Variants in CNTN5 observed in about 807,000 individuals in gnomAD.
CNTN5 encodes the protein contactin-5.
A neutral mutation model predicts 129.1 loss-of-function variants in CNTN5; 77 were observed. That is an observed-to-expected ratio of 0.60 (90% CI 0.50 to 0.72). CNTN5 has a LOEUF of 0.72. Among genes scored for constraint, CNTN5 ranks in the 30% least tolerant of loss-of-function variants. The pLI, the probability that CNTN5 is intolerant of heterozygous loss-of-function variation, is 0.00. For synonymous variants in CNTN5, 509 were observed against 465.6 expected (o/e 1.09, Z -1.20); for missense variants, 1,478 against 1,328.8 (o/e 1.11, Z -1.75).
At chr11:99,630,644 TATTA>T (rs1361440371) in intron 3 of CNTN5, among the ~76,000 whole-genome samples, 3 of 152,146 alleles carry the variant, frequency 2.0e-5, no homozygotes, top group Non-Finnish European at 2.9e-5. Flanking sequence ...AATATTTAAC[TATTA>T]ATTCTACGTG....
chr11:100,090,657 A>G (rs79266631), intron 13 of CNTN5, among the ~76,000 whole-genome samples: 7,047 of 150,732 alleles, frequency 0.047, 238 homozygotes, highest in African/African-American at 0.099. Context: ...CAGGAGATTC[A>G]GTGCCTGGTG....
intron 13 of CNTN5, among the ~76,000 whole-genome samples, chr11:100,108,636 A>G (rs1490951081): frequency 6.6e-6 from 1 of 152,146 alleles, no homozygotes; most frequent in African/African-American, 2.4e-5. Context: ...CCCATTATAT[A>G]TGTTCTCATA....
intron 1 of CNTN5, among the ~76,000 whole-genome samples, chr11:99,294,289 T>C (rs1476652325): frequency 6.6e-6 from 1 of 152,182 alleles, no homozygotes; most frequent in Non-Finnish European, 1.5e-5. Context: ...CACCAAATAA[T>C]TGTTAGAACC....
At chr11:99,553,975 C>CACACACACACAT (rs1948580917) in intron 2 of CNTN5, among the ~76,000 whole-genome samples, 1 of 121,434 alleles carries the variant, frequency 8.2e-6, no homozygotes, top group Admixed American at 8.9e-5. Context: ...TACACACACA[C>CACACACACACAT]ACACACACAC....
chr11:100,322,596 TAAG>T (rs1367590648), intron 21 of CNTN5, among the ~76,000 whole-genome samples: 3 of 152,148 alleles, frequency 2.0e-5, no homozygotes, highest in Non-Finnish European at 4.4e-5. Context: ...TGACATACAT[TAAG>T]GTTGTTTCCA....
At chr11:99,770,008 A>G (rs893942406) in intron 3 of CNTN5, among the ~76,000 whole-genome samples, 7 of 152,114 alleles carry the variant, frequency 4.6e-5, no homozygotes, top group Admixed American at 3.9e-4. Context: ...AGGAAATCAC[A>G]ATATCAGTAT....
intron 3 of CNTN5, among the ~76,000 whole-genome samples, chr11:99,647,438 T>C (rs1384261745): frequency 6.6e-6 from 1 of 152,118 alleles, no homozygotes; most frequent in African/African-American, 2.4e-5. Context: ...TTGTTTACTA[T>C]AATCTTGTAG....
At chr11:99,238,457 C>T (rs1253394710) in intron 1 of CNTN5, among the ~76,000 whole-genome samples, 4 of 152,148 alleles carry the variant, frequency 2.6e-5, no homozygotes, top group African/African-American at 9.7e-5. Flanking sequence ...GTCTTACACA[C>T]CACTTCAGGA....
intron 2 of CNTN5, among the ~76,000 whole-genome samples, chr11:99,389,542 T>C (rs1163211794): frequency 6.6e-6 from 1 of 152,192 alleles, no homozygotes; most frequent in Admixed American, 6.5e-5. Context: ...GAATACTTTT[T>C]CCCTTTATAG....
intron 12 of CNTN5, among the ~76,000 whole-genome samples, chr11:100,073,887 T>C (rs1404654156): frequency 6.6e-6 from 1 of 152,136 alleles, no homozygotes; most frequent in African/African-American, 2.4e-5. Flanking sequence ...TTGGTAATCA[T>C]AATTAGAACA....
At chr11:99,935,102 T>C (rs1950285973) in intron 7 of CNTN5, among the ~76,000 whole-genome samples, 1 of 151,068 alleles carries the variant, frequency 6.6e-6, no homozygotes, top group African/African-American at 2.4e-5. Flanking sequence ...TATATCAATA[T>C]AATTAAATTT....
At chr11:100,060,313 C>T (rs1943412143) in intron 9 of CNTN5, among the ~76,000 whole-genome samples, 1 of 151,338 alleles carries the variant, frequency 6.6e-6, no homozygotes, top group African/African-American at 2.4e-5. Flanking sequence ...AAATAATTTG[C>T]AACTATTAAG....
intron 2 of CNTN5, among the ~76,000 whole-genome samples, chr11:99,544,643 T>G (rs575663504): frequency 1.3e-5 from 2 of 152,344 alleles, no homozygotes; most frequent in Non-Finnish European, 2.9e-5. Context: ...TACTGAATTT[T>G]TTTTTTATCT....
chr11:100,309,423 A>G (rs1202065461), intron 21 of CNTN5: 1 of 968,482 alleles, frequency 1.0e-6, no homozygotes, highest in Non-Finnish European at 1.2e-6. Flanking sequence ...TGATAAAAAA[A>G]TTTATACAAT....
intron 7 of CNTN5, among the ~76,000 whole-genome samples, chr11:99,946,879 GAT>G (rs1356585272): frequency 6.6e-6 from 1 of 151,778 alleles, no homozygotes; most frequent in Non-Finnish European, 1.5e-5. Flanking sequence ...TGTCTAGTAA[GAT>G]ATGATGATGT....
At chr11:100,323,861 A>AT (rs908335039) in intron 21 of CNTN5, among the ~76,000 whole-genome samples, 2 of 151,328 alleles carry the variant, frequency 1.3e-5, no homozygotes, top group East Asian at 1.9e-4. Context: ...TTTGGCTTTT[A>AT]TTTTTTTCCA....
chr11:99,756,877 T>G (rs1944420026), intron 3 of CNTN5, among the ~76,000 whole-genome samples: 1 of 150,538 alleles, frequency 6.6e-6, no homozygotes, highest in Non-Finnish European at 1.5e-5. Context: ...TTCTAAAACT[T>G]AATATAGCCA....
intron 2 of CNTN5, among the ~76,000 whole-genome samples, chr11:99,537,887 A>T (rs1280819994): frequency 6.6e-6 from 1 of 152,172 alleles, no homozygotes; most frequent in Non-Finnish European, 1.5e-5. Context: ...CTTTATCATT[A>T]ATGGCCTAGA....
intron 1 of CNTN5, among the ~76,000 whole-genome samples, chr11:99,085,201 C>T (rs778561303): frequency 3.3e-5 from 5 of 151,924 alleles, no homozygotes; most frequent in Admixed American, 1.3e-4. Context: ...GGTACCCCCA[C>T]GCCCAGCTAA....
Sources: allele counts gnomAD v4.1 joint callset (sites outside exome capture counted in the v4.1 genomes callset), GRCh38; gene constraint gnomAD v4.1.1; transcripts MANE v1.5; gene names NCBI Gene and HGNC (gene_info 2026-07-23, HGNC 2026-07-21).